USP17L2: variants seen among roughly 807,000 people sequenced by gnomAD.
The protein encoded by USP17L2 is ubiquitin carboxyl-terminal hydrolase 17.
Under a neutral mutation model 39.8 loss-of-function variants are expected in USP17L2, and 29 were observed. That is an observed-to-expected ratio of 0.73 (90% CI 0.54 to 0.99). USP17L2 has a LOEUF of 0.99. Among genes scored for constraint, USP17L2 ranks in the 50% least tolerant of loss-of-function variants. The pLI is 0.00. For missense variants in USP17L2, 567 were observed against 647.2 expected (o/e 0.88, Z 1.35); for synonymous variants, 231 against 252.7 (o/e 0.91, Z 0.81).
rs532416994 is a variant in USP17L2, at chr8:12,136,602, C to G, written c.*566G>C. ...TCCAGCAAGAGCACAAGTCCCAGGG[C>G]GCCTGAGGTCCATTCAGAAACCAAT... is the stretch of plus-strand genomic sequence containing the variant. On this transcript the variant is annotated 3_prime_UTR_variant, in exon 1 of 1. Coordinates refer to ENST00000333796, the MANE Select transcript of USP17L2 (RefSeq NM_201402.3). 2.1e-5 allele frequency among the ~76,000 whole-genome samples: 3 copies of G among 140,394 alleles called. 1 individual carries two copies. Among genetic ancestry groups the G allele is most frequent in the African/African-American group, 8.0e-5 (3 of 37,366 alleles). 92.1% of individuals were successfully genotyped at this position (140,394 alleles called of 152,430 possible). A position where few individuals can be genotyped will look rare whatever the true frequency, so the allele number is the denominator to read the frequency against.
In USP17L2 at chr8:12,137,755, A is replaced by G. The variant is rs769613745; in HGVS notation, c.1006T>C (p.Phe336Leu). 14 of 1,512,838 alleles carry G rather than the reference A, an allele frequency of 9.3e-6. No homozygotes were observed. The Middle Eastern group carries it at 1.1e-3, about 115-fold the overall frequency. 93.7% of individuals were successfully genotyped at this position (1,512,838 alleles called of 1,614,324 possible). Reference sequence around the variant, plus strand: ...CCTTCTTGAGCTTTGACATAAGAGAAGTAATGTCCGTCGTGACAACTCCAC... The same window carrying G: ...CCTTCTTGAGCTTTGACATAAGAGAGGTAATGTCCGTCGTGACAACTCCAC... Reference protein sequence around the residue: ...AGWSCHDGHYFSYVKAQEGQW... With the variant: ...AGWSCHDGHYLSYVKAQEGQW... Residue 336 changes from phenylalanine (F) to leucine (L), a missense_variant, in exon 1 of 1, where the codon TTC (phenylalanine) becomes CTC (leucine). This residue lies in a region of USP17L2 where 304 missense variants were observed against 254.7 expected (regional missense o/e 1.19). Coordinates refer to ENST00000333796, the MANE Select transcript of USP17L2 (RefSeq NM_201402.3).
rs185815620 is a variant in USP17L2, at chr8:12,137,689, T to C, written c.1072A>G (p.Ser358Gly). ...TGTTGACTCAGGACAGAAGTGATGC[T>C]ACAGGCAGTGACCTTGGCATCATCC... ...KMDDAKVTAC[S>G]ITSVLSQQAY... Residue 358 changes from serine to glycine, a missense_variant, in exon 1 of 1, where the codon AGC becomes GGC. By Grantham distance (56) the Ser-to-Gly change is moderately conservative. Around this residue, in one of 6 missense-constraint regions of USP17L2, gnomAD observed 304 missense variants for 254.7 expected, o/e 1.19. Transcript: ENST00000333796. 2.7e-5 allele frequency: 41 copies of C among 1,533,712 alleles called. 6 individuals are homozygous for C. Among genetic ancestry groups the C allele is most frequent in the Admixed American group, 5.4e-5 (3 of 55,934 alleles).
rs1803220651 is a variant in USP17L2, at chr8:12,136,496, A to T, written c.*672T>A. 7.1e-6 allele frequency among the ~76,000 whole-genome samples: 1 copy of T among 140,748 alleles called. No individual in the cohort carries two copies. The highest frequency in any genetic ancestry group is 1.5e-5 in the Non-Finnish European group (1 of 64,964). The allele number at this position is 140,748 out of a possible 152,430, so 92.3% of individuals were successfully genotyped here. A position where few individuals can be genotyped will look rare whatever the true frequency, so the allele number is the denominator to read the frequency against. ...TCCAAATGACTGACATGCCAGTGGG[A>T]AAATTTTCCATTTCGACTCATTGGA... On this transcript the variant is annotated 3_prime_UTR_variant, in exon 1 of 1. Coordinates refer to ENST00000333796, the MANE Select transcript of USP17L2 (RefSeq NM_201402.3).
At position 12,138,200 on chromosome 8, in the gene USP17L2, A is replaced by G. The variant is rs201644713; in HGVS notation, c.561T>C (p.Ser187=). The part of the protein sequence containing the change: ...LPGHKQVDHH[S]KDTTLIHQIF... ...TTTGGTGGATGAGGGTGGTGTCCTT[A>G]GAGTGATGATCTACCTGCTTGTGGC... is the stretch of plus-strand genomic sequence containing the variant. Residue 187 remains serine, a synonymous_variant, in exon 1 of 1, where the codon TCT becomes TCC. Coordinates refer to ENST00000333796, the MANE Select transcript of USP17L2 (RefSeq NM_201402.3). 7.3e-5 allele frequency: 85 copies of G among 1,171,658 alleles called. 7 individuals carry two copies. The highest frequency in any genetic ancestry group is 3.7e-4 in the Admixed American group (19 of 51,966). The allele number at this position is 1,171,658 out of a possible 1,614,324, so 72.6% of individuals were successfully genotyped here.
In USP17L2 at chr8:12,138,519, C is replaced by A. The variant is rs771699654; in HGVS notation, c.242G>T (p.Gly81Val). 23 of 1,536,624 alleles carry A rather than the reference C, an allele frequency of 1.5e-5. 1 individual carries two copies. Among genetic ancestry groups the A allele is most frequent in the Non-Finnish European group, 1.9e-5 (22 of 1,136,606 alleles). ...GCAGGTATTTCCCATATTCTGGAGCCCAGCCCCCACCGCAGCAGGTCTCCT... is the reference window on the plus strand; with the variant it reads ...GCAGGTATTTCCCATATTCTGGAGCACAGCCCCCACCGCAGCAGGTCTCCT... The part of the protein sequence containing the change: ...SSRRPAAVGA[G>V]LQNMGNTCYE... The change falls in exon 1 of 1, where the codon GGG becomes GTG. Residue 81 changes from glycine (G) to valine (V), a missense_variant. By Grantham distance (109) the Gly-to-Val change is moderately radical. Coordinates refer to ENST00000333796, the MANE Select transcript of USP17L2 (RefSeq NM_201402.3).
In USP17L2 at chr8:12,138,813, C is replaced by A. The variant is rs77973456; in HGVS notation, c.-53G>T. The A allele has an allele frequency of 2.9e-4, 257 of 879,710 alleles. 24 individuals carry two copies. Among genetic ancestry groups the A allele is most frequent in the Middle Eastern group, 7.1e-4 (2 of 2,836 alleles). The allele number at this position is 879,710 out of a possible 1,614,324, so 54.5% of individuals were successfully genotyped here. On this transcript the variant is annotated 5_prime_UTR_variant, in exon 1 of 1. Coordinates refer to ENST00000333796, the MANE Select transcript of USP17L2 (RefSeq NM_201402.3). ...TTTCTGCTGGGACTGCAGGTTGCAG[C>A]AAGACGCTATCTCTTCCAAGAGAGT...
Position 12,137,489 on chromosome 8 carries a change from C to A in USP17L2, c.1272G>T (p.Leu424Phe). ...TGCTTTCCTGAGTGGCTCTTTCCAC[C>A]AAGCGCTCGTCCAACTCGGGTGCCT... ...CLQAPELDERLVERATQESTL... is the reference protein window; with the variant it reads ...CLQAPELDERFVERATQESTL... Residue 424 changes from leucine (L) to phenylalanine (F), a missense_variant, in exon 1 of 1, where the codon TTG becomes TTT. Leu to Phe is a conservative substitution (Grantham distance 22). Transcript: ENST00000333796. 3 of 1,532,664 alleles carry A rather than the reference C, an allele frequency of 2.0e-6. No individual in the cohort carries two copies. Among genetic ancestry groups the A allele is most frequent in the South Asian group, 1.2e-5 (1 of 81,330 alleles). 94.9% of individuals were successfully genotyped at this position (1,532,664 alleles called of 1,614,324 possible).
rs780567282 is a variant in USP17L2 at position 12,137,693 on chromosome 8, G to A, written c.1068C>T (p.Ala356=). The change falls in exon 1 of 1, where the codon GCC becomes GCT. Residue 356 remains alanine (A), a synonymous_variant. Coordinates refer to ENST00000333796, the MANE Select transcript of USP17L2 (RefSeq NM_201402.3). Reference sequence around the variant, plus strand: ...GACTCAGGACAGAAGTGATGCTACAGGCAGTGACCTTGGCATCATCCATTT... The same window carrying A: ...GACTCAGGACAGAAGTGATGCTACAAGCAGTGACCTTGGCATCATCCATTT... ...WYKMDDAKVT[A]CSITSVLSQQ... The A allele has an allele frequency of 1.3e-6, 2 of 1,533,704 alleles. No individual in the cohort carries two copies. Among genetic ancestry groups the A allele is most frequent in the East Asian group, 2.6e-5 (1 of 38,502 alleles).
Position 12,137,734 on chromosome 8 carries a change from C to T in USP17L2, c.1027G>A (p.Glu343Lys), listed in dbSNP as rs199901410. ...GHYFSYVKAQ[E>K]GQWYKMDDAK... is the part of the protein sequence containing the mutation. Reference sequence around the variant, plus strand: ...TCATCCATTTTATACCACTGGCCTTCTTGAGCTTTGACATAAGAGAAGTAA... The same window carrying T: ...TCATCCATTTTATACCACTGGCCTTTTTGAGCTTTGACATAAGAGAAGTAA... Residue 343 changes from glutamate (E) to lysine (K), a missense_variant, in exon 1 of 1, where the codon GAA becomes AAA. Around this residue, in one of 6 missense-constraint regions of USP17L2, gnomAD observed 304 missense variants for 254.7 expected, o/e 1.19. Coordinates refer to ENST00000333796, the MANE Select transcript of USP17L2 (RefSeq NM_201402.3). The T allele has an allele frequency of 1.3e-4, 204 of 1,527,832 alleles. 11 individuals are homozygous for T. In the African/African-American group the frequency reaches 2.7e-3, roughly 21 times the overall value. The allele number at this position is 1,527,832 out of a possible 1,614,324, so 94.6% of individuals were successfully genotyped here.
chr8:12,137,960 T>G lies in USP17L2; in HGVS notation c.801A>C (p.Leu267Phe). ...GGACCTTGGCAGAAGTGTGTAAAGT[T>G]AACGTCTTGGAGGCCGGCGCCCTCT... ...CLQRAPASKTLTLHTSAKVLI... is the reference protein window; with the variant it reads ...CLQRAPASKTFTLHTSAKVLI... The change falls in exon 1 of 1, where the codon TTA becomes TTC. Residue 267 changes from leucine (L) to phenylalanine (F), a missense_variant. Coordinates refer to ENST00000333796, the MANE Select transcript of USP17L2 (RefSeq NM_201402.3). 2 of 1,523,840 alleles carry G rather than the reference T, an allele frequency of 1.3e-6. No homozygotes were observed. Among genetic ancestry groups the G allele is most frequent in the Non-Finnish European group, 1.8e-6 (2 of 1,128,264 alleles). 94.4% of individuals were successfully genotyped at this position (1,523,840 alleles called of 1,614,324 possible). A position where few individuals can be genotyped will look rare whatever the true frequency, so the allele number is the denominator to read the frequency against.
Position 12,136,922 on chromosome 8 carries a change from G to C in USP17L2, c.*246C>G, listed in dbSNP as rs1369804721. 7.1e-6 allele frequency among the ~76,000 whole-genome samples: 1 copy of C among 140,378 alleles called. No homozygotes were observed. The highest frequency in any genetic ancestry group is 2.7e-5 in the African/African-American group (1 of 37,218). The allele number at this position is 140,378 out of a possible 152,430, so 92.1% of individuals were successfully genotyped here. On this transcript the variant is annotated 3_prime_UTR_variant, in exon 1 of 1. Coordinates refer to ENST00000333796, the MANE Select transcript of USP17L2 (RefSeq NM_201402.3). ...CAAACACACAGACAGTCTCTCCAGA[G>C]GTTCGGAAGACTCACGACCCCAAAA...
chr8:12,137,641 G>T lies in USP17L2; in HGVS notation c.1120C>A (p.Gln374Lys). The change falls in exon 1 of 1, where the codon CAG becomes AAG. Residue 374 changes from glutamine to lysine, a missense_variant. Coordinates refer to ENST00000333796, the MANE Select transcript of USP17L2 (RefSeq NM_201402.3). ...SQQAYVLFYI[Q>K]KSEWERHSES... ...CTGTGTCTTTCCCATTCACTCTTCT[G>T]GATGTAAAAGAGGACATAGGCCTGT... The T allele has an allele frequency of 2.6e-6, 4 of 1,525,178 alleles. 1 individual carries two copies. Among genetic ancestry groups the T allele is most frequent in the Non-Finnish European group, 3.5e-6 (4 of 1,127,408 alleles). The allele number at this position is 1,525,178 out of a possible 1,614,324, so 94.5% of individuals were successfully genotyped here. A position where few individuals can be genotyped will look rare whatever the true frequency, so the allele number is the denominator to read the frequency against.
Position 12,136,719 on chromosome 8 carries a change from TC to T in USP17L2, c.*448del, listed in dbSNP as rs1229699432. 2.1e-5 allele frequency among the ~76,000 whole-genome samples: 3 copies of T among 140,564 alleles called. No individual in the cohort carries two copies. The highest frequency in any genetic ancestry group is 2.5e-4 in the South Asian group (1 of 4,024). The allele number at this position is 140,564 out of a possible 152,430, so 92.2% of individuals were successfully genotyped here. On this transcript the variant is annotated 3_prime_UTR_variant, in exon 1 of 1. Transcript: ENST00000333796. ...CCACTATTCAAGGTGGCGAGAATGA[TC>T]CATGGATGTGCCACATGAGCAAAAT...
rs187403172 is a variant in USP17L2, at chr8:12,136,718, A to G, written c.*450T>C. ...TCCACTATTCAAGGTGGCGAGAATG[A>G]TCCATGGATGTGCCACATGAGCAAA... is the stretch of plus-strand genomic sequence containing the variant. On this transcript the variant is annotated 3_prime_UTR_variant, in exon 1 of 1. Transcript: ENST00000333796. Among the ~76,000 whole-genome samples the G allele has an allele frequency of 7.1e-6, 1 of 140,674 alleles. No homozygotes were observed. Among genetic ancestry groups the G allele is most frequent in the Admixed American group, 7.2e-5 (1 of 13,838 alleles). The allele number at this position is 140,674 out of a possible 152,430, so 92.3% of individuals were successfully genotyped here.
rs1348525184 is a variant in USP17L2, at chr8:12,137,273, A to G, written c.1488T>C (p.Asp496=). Residue 496 remains aspartate (D), a synonymous_variant, in exon 1 of 1, where the codon GAT becomes GAC. Transcript: ENST00000333796. Reference sequence around the variant, plus strand: ...GGGTGCCAGTGTTCACGGACTCCTGATCTGTCCGGGTCGTCGAAGAGAGGT... The same window carrying G: ...GGGTGCCAGTGTTCACGGACTCCTGGTCTGTCCGGGTCGTCGAAGAGAGGT... ...LLNLSSTTRT[D]QESVNTGTLA... 1.3e-6 allele frequency: 2 copies of G among 1,530,674 alleles called. No homozygotes were observed. The highest frequency in any genetic ancestry group is 1.8e-5 in the Admixed American group (1 of 55,836). 94.8% of individuals were successfully genotyped at this position (1,530,674 alleles called of 1,614,324 possible). A position where few individuals can be genotyped will look rare whatever the true frequency, so the allele number is the denominator to read the frequency against.
Position 12,137,111 on chromosome 8 carries a change from T to C in USP17L2, c.*57A>G. 1.4e-6 allele frequency: 2 copies of C among 1,479,232 alleles called. No homozygotes were observed. The highest frequency in any genetic ancestry group is 1.3e-5 in the South Asian group (1 of 79,734). The allele number at this position is 1,479,232 out of a possible 1,614,324, so 91.6% of individuals were successfully genotyped here. A position where few individuals can be genotyped will look rare whatever the true frequency, so the allele number is the denominator to read the frequency against. On this transcript the variant is annotated 3_prime_UTR_variant, in exon 1 of 1. Transcript: ENST00000333796. ...TTTGCGTGCGCGCTTGTGGGTGTAT[T>C]TGTGCGTGTGTGTGTGTGCGTTCAC...
At position 12,137,389 on chromosome 8, in the gene USP17L2, T is replaced by G. The variant is rs765703914; in HGVS notation, c.1372A>C (p.Thr458Pro). 1 of 1,531,952 alleles carries G rather than the reference T, an allele frequency of 6.5e-7. No individual in the cohort carries two copies. Among genetic ancestry groups the G allele is most frequent in the African/African-American group, 1.5e-5 (1 of 68,188 alleles). The allele number at this position is 1,531,952 out of a possible 1,614,324, so 94.9% of individuals were successfully genotyped here. Residue 458 changes from threonine (T) to proline (P), a missense_variant, in exon 1 of 1, where the codon ACC (threonine) becomes CCC (proline). Coordinates refer to ENST00000333796, the MANE Select transcript of USP17L2 (RefSeq NM_201402.3). ...ATCACAAGTACGTTGGGAGGCAGGG[T>G]ACCTTCGACTTTTCTGACGTTGAAC... ...PEFNVRKVEG[T>P]LPPNVLVIHQ...
At position 12,137,524 on chromosome 8, in the gene USP17L2, G is replaced by T. The variant is rs758421226; in HGVS notation, c.1237C>A (p.Pro413Thr). Residue 413 changes from proline to threonine, a missense_variant, in exon 1 of 1, where the codon CCC (proline) becomes ACC (threonine). Pro to Thr is a conservative substitution (Grantham distance 38). This residue lies in a region of USP17L2 where 304 missense variants were observed against 254.7 expected (regional missense o/e 1.19). Transcript: ENST00000333796. The stretch of plus-strand genomic sequence containing the variant: ...TCCAACTCGGGTGCCTGGAGGCAGG[G>T]GTGGTCTCTCTTGAGCTCTCCTTGC... ...ATQGELKRDH[P>T]CLQAPELDER... The T allele has an allele frequency of 6.5e-7, 1 of 1,533,174 alleles. No homozygotes were observed. The highest frequency in any genetic ancestry group is 2.6e-5 in the East Asian group (1 of 38,440). The allele number at this position is 1,533,174 out of a possible 1,614,324, so 95.0% of individuals were successfully genotyped here.
rs1276794256 is a variant in USP17L2 at position 12,137,331 on chromosome 8, T to C, written c.1430A>G (p.Asn477Ser). ...HQSKYKCGMK[N>S]HHPEQQSSLL... Reference sequence around the variant, plus strand: ...GGAGCTTTGCTGTTCAGGATGATGGTTTTTCATCCCACACTTGTATTTCGA... The same window carrying C: ...GGAGCTTTGCTGTTCAGGATGATGGCTTTTCATCCCACACTTGTATTTCGA... Residue 477 changes from asparagine to serine, a missense_variant, in exon 1 of 1, where the codon AAC becomes AGC. Around this residue, in one of 6 missense-constraint regions of USP17L2, gnomAD observed 304 missense variants for 254.7 expected, o/e 1.19. Transcript: ENST00000333796. 2 of 1,530,974 alleles carry C rather than the reference T, an allele frequency of 1.3e-6. No individual in the cohort carries two copies. The highest frequency in any genetic ancestry group is 2.4e-4 in the Middle Eastern group (1 of 4,242). The allele number at this position is 1,530,974 out of a possible 1,614,324, so 94.8% of individuals were successfully genotyped here. A position where few individuals can be genotyped will look rare whatever the true frequency, so the allele number is the denominator to read the frequency against.
Sources: gnomAD v4.1 joint callset for allele counts (sites outside exome capture counted in the v4.1 genomes callset) on GRCh38, gnomAD v4.1.1 for gene constraint, gnomAD v4.1.1 regional missense constraint, MANE v1.5 for transcripts, NCBI Gene and HGNC (gene_info 2026-07-23, HGNC 2026-07-21) for gene names.